Variants in RAB39A observed in about 807,000 individuals in gnomAD.
RAB39A encodes the protein ras-related protein Rab-39A.
A neutral mutation model predicts 20.9 loss-of-function variants in RAB39A; 17 were observed. The observed-to-expected ratio is 0.81, with a 90% CI of 0.56 to 1.22. The LOEUF (loss-of-function observed/expected upper bound fraction) is 1.22. Among genes scored for constraint, RAB39A ranks in the 50% most tolerant of loss-of-function variants. The probability of loss-of-function intolerance (pLI) is 0.00; values close to 1 mark genes in which losing one functional copy is unlikely to be tolerated. For missense variants in RAB39A, 234 were observed against 270.5 expected, an observed-to-expected ratio of 0.87 and a Z score of 0.95; for synonymous variants, 99 against 103.4, an observed-to-expected ratio of 0.96 and a Z score of 0.26.
intron 1 of RAB39A, among the ~76,000 whole-genome samples, chr11:107,960,161 G>A (rs1244963635): frequency 1.4e-5 from 2 of 147,506 alleles, no homozygotes; most frequent in Admixed American, 6.9e-5. Context: ...AGTGAGCCAA[G>A]ATCACGCCAC....
chr11:107,946,452 ATATATATATTTT>A (rs1861316643), intron 1 of RAB39A, among the ~76,000 whole-genome samples: 3 of 71,778 alleles, frequency 4.2e-5, no homozygotes, highest in African/African-American at 5.4e-5. Flanking sequence ...ATATATATAT[ATATATATATTTT>A]TTTTTTTTTT....
intron 1 of RAB39A, among the ~76,000 whole-genome samples, chr11:107,935,900 CTTTTTTTT>C (rs561399074): frequency 2.2e-4 from 18 of 81,610 alleles, no homozygotes; most frequent in African/African-American, 8.4e-4. Context: ...GTCCTGGCCA[CTTTTTTTT>C]TTTTTTTTTT....
At chr11:107,957,330 G>A (rs1170681790) in intron 1 of RAB39A, among the ~76,000 whole-genome samples, 1 of 150,884 alleles carries the variant, frequency 6.6e-6, no homozygotes, top group African/African-American at 2.5e-5. Flanking sequence ...CAAAGGAGCA[G>A]GAGATTTTTT....
chr11:107,928,534 TG>T lies in RAB39A; in HGVS notation c.-31del. 1 of 1,394,804 alleles carries T rather than the reference TG, an allele frequency of 7.2e-7. No individual in the cohort carries two copies. Among genetic ancestry groups the T allele is most frequent in the Non-Finnish European group, 9.5e-7 (1 of 1,053,886 alleles). The allele number at this position is 1,394,804 out of a possible 1,614,324, so 86.4% of individuals were successfully genotyped here. A position where few individuals can be genotyped will look rare whatever the true frequency, so the allele number is the denominator to read the frequency against. ...CCCGCCGCCGAACTTAGCCCGCGGGTGGGGCGGCCCGGGAGCCAGCGGGGCA... is the reference window on the plus strand; with the variant it reads ...CCCGCCGCCGAACTTAGCCCGCGGGTGGGCGGCCCGGGAGCCAGCGGGGCA... On this transcript the variant is annotated 5_prime_UTR_variant, in exon 1 of 2. Transcript: ENST00000320578. The surrounding 1 kb of genome is among the most constrained non-coding windows in gnomAD (Gnocchi z 4.9).
At chr11:107,950,142 T>G (rs1861361720) in intron 1 of RAB39A, among the ~76,000 whole-genome samples, 1 of 150,848 alleles carries the variant, frequency 6.6e-6, no homozygotes, top group South Asian at 2.1e-4. Flanking sequence ...ATCGTGCCAC[T>G]GCACTCCACC....
chr11:107,939,346 C>A (rs1029122663), intron 1 of RAB39A, among the ~76,000 whole-genome samples: 1 of 151,572 alleles, frequency 6.6e-6, no homozygotes, highest in Admixed American at 6.6e-5. Context: ...GTGGCTCACG[C>A]CTGTAATCCC....
At chr11:107,944,766 G>A (rs931217838) in intron 1 of RAB39A, among the ~76,000 whole-genome samples, 5 of 152,206 alleles carry the variant, frequency 3.3e-5, no homozygotes, top group African/African-American at 1.2e-4. Flanking sequence ...AGGAGGAATT[G>A]TCATCTGTGC....
chr11:107,946,247 AC>A (rs1195047453), intron 1 of RAB39A, among the ~76,000 whole-genome samples: 1 of 146,050 alleles, frequency 6.8e-6, no homozygotes, highest in Non-Finnish European at 1.5e-5. Flanking sequence ...AAAAAAAAAA[AC>A]CTGTCCTTAA....
intron 1 of RAB39A, among the ~76,000 whole-genome samples, chr11:107,951,515 C>A (rs1479568196): frequency 1.3e-5 from 2 of 151,924 alleles, no homozygotes; most frequent in East Asian, 3.9e-4. Context: ...AGGAAGTCAG[C>A]AAGTGCTTAC....
At chr11:107,951,218 G>A (rs3950985) in intron 1 of RAB39A, among the ~76,000 whole-genome samples, 88,994 of 152,068 alleles carry the variant, frequency 0.59, 26,304 homozygotes, top group East Asian at 0.77. Flanking sequence ...ATAATCAAAG[G>A]AGTAGGGAGG....
At chr11:107,934,925 G>A (rs1420884094) in intron 1 of RAB39A, among the ~76,000 whole-genome samples, 1 of 80,102 alleles carries the variant, frequency 1.2e-5, no homozygotes, top group Non-Finnish European at 2.6e-5. Flanking sequence ...GCGAGACTTC[G>A]TCTCAAAAAA....
At chr11:107,929,952 A>T (rs943415339) in intron 1 of RAB39A, among the ~76,000 whole-genome samples, 1 of 152,190 alleles carries the variant, frequency 6.6e-6, no homozygotes, top group Non-Finnish European at 1.5e-5. Context: ...GCAGTGTTCC[A>T]TGAGGGGACT....
At chr11:107,933,321 G>A (rs1367147312) in intron 1 of RAB39A, among the ~76,000 whole-genome samples, 2,924 of 17,198 alleles carry the variant, frequency 0.17, 97 homozygotes, top group Admixed American at 0.2. Flanking sequence ...ATATGTGTGT[G>A]TGTGTGTGTG....
chr11:107,950,271 C>T (rs1861364106), intron 1 of RAB39A, among the ~76,000 whole-genome samples: 1 of 151,884 alleles, frequency 6.6e-6, no homozygotes, highest in Admixed American at 6.6e-5. Flanking sequence ...TTTGACTTTA[C>T]AAATCCCTAC....
chr11:107,950,248 C>G (rs528073288), intron 1 of RAB39A, among the ~76,000 whole-genome samples: 1 of 151,938 alleles, frequency 6.6e-6, no homozygotes, highest in African/African-American at 2.4e-5. Context: ...AATTTTCAGC[C>G]CATTTCTCCC....
At position 107,962,361 on chromosome 11, in the gene RAB39A, T is replaced by C; in HGVS notation, c.643T>C (p.Cys215Arg). 6.3e-7 allele frequency: 1 copy of C among 1,597,114 alleles called. No individual in the cohort carries two copies. The highest frequency in any genetic ancestry group is 1.1e-5 in the South Asian group (1 of 89,268). Reference sequence around the variant, plus strand: ...GGAAGCAGTAAAGCCCAGGAAAGAATGCTTCTGCTGACTTCAAACATGCTG... The same window carrying C: ...GGAAGCAGTAAAGCCCAGGAAAGAACGCTTCTGCTGACTTCAAACATGCTG... ...SEEAVKPRKE[C>R]FC Residue 215 changes from cysteine (C) to arginine (R), a missense_variant, in exon 2 of 2, where the codon TGC becomes CGC. Coordinates refer to ENST00000320578, the MANE Select transcript of RAB39A (RefSeq NM_017516.3).
At chr11:107,955,942 A>G (rs1861431037) in intron 1 of RAB39A, among the ~76,000 whole-genome samples, 1 of 151,818 alleles carries the variant, frequency 6.6e-6, no homozygotes, top group South Asian at 2.1e-4. Context: ...TCTTCTTTGG[A>G]GAGGTTTCAT....
chr11:107,937,332 G>A (rs1336757997), intron 1 of RAB39A, among the ~76,000 whole-genome samples: 9 of 151,924 alleles, frequency 5.9e-5, no homozygotes, highest in South Asian at 2.1e-4. Flanking sequence ...TAGAGACAGG[G>A]TCTCGCTGTA....
intron 1 of RAB39A, among the ~76,000 whole-genome samples, chr11:107,958,939 G>A (rs775729678): frequency 6.6e-6 from 1 of 152,042 alleles, no homozygotes; most frequent in Non-Finnish European, 1.5e-5. Flanking sequence ...GGCCAACATG[G>A]TAAAAACTCA....
Sources: gnomAD v4.1 joint callset for allele counts (sites outside exome capture counted in the v4.1 genomes callset) on GRCh38, gnomAD v4.1.1 for gene constraint, Gnocchi (gnomAD v3.1) non-coding constraint, MANE v1.5 for transcripts, NCBI Gene and HGNC (gene_info 2026-07-23, HGNC 2026-07-21) for gene names.